ASTN2: variants seen among roughly 807,000 people sequenced by gnomAD.
ASTN2 encodes the protein astrotactin-2.
A neutral mutation model predicts 139.8 loss-of-function variants in ASTN2; 54 were observed. That is an observed-to-expected ratio of 0.39 (90% confidence interval 0.31 to 0.48). The LOEUF (loss-of-function observed/expected upper bound fraction) is 0.48. ASTN2 is among the 20% of genes least tolerant of loss of function. The probability of loss-of-function intolerance (pLI) is 0.95; values close to 1 mark genes in which losing one functional copy is unlikely to be tolerated. For missense variants in ASTN2, 1,565 were observed against 1,725.1 expected (o/e 0.91, Z 1.64); for synonymous variants, 756 against 719.5 (o/e 1.05, Z -0.81).
At chr9:116,862,167 G>A (rs1176824094) in intron 11 of ASTN2, among the ~76,000 whole-genome samples, 3 of 152,104 alleles carry the variant, frequency 2.0e-5, no homozygotes, top group Non-Finnish European at 4.4e-5. Context: ...ACCTTTGTCT[G>A]TTTCTCAGCT....
At position 116,653,030 on chromosome 9, in the gene ASTN2, G is replaced by A. The variant is rs1283425891; in HGVS notation, c.2807-1237C>T. Among the ~76,000 whole-genome samples the A allele has an allele frequency of 3.3e-5, 5 of 152,112 alleles. No homozygotes were observed. The East Asian group carries it at 7.7e-4, about 23-fold the overall frequency. On this transcript the variant is annotated intron_variant, in intron 16 of 22. Coordinates refer to ENST00000313400, the MANE Select transcript of ASTN2 (RefSeq NM_001365068.1). ...TTTCTGAATAAGTGTTTCTATTTATGAGATCTTATTTAAGTTCATTTTCCC... is the reference window on the plus strand; with the variant it reads ...TTTCTGAATAAGTGTTTCTATTTATAAGATCTTATTTAAGTTCATTTTCCC...
intron 6 of ASTN2, among the ~76,000 whole-genome samples, chr9:117,038,922 AAATGCTAG>A (rs1184883309): frequency 6.6e-6 from 1 of 152,206 alleles, no homozygotes; most frequent in Non-Finnish European, 1.5e-5. Flanking sequence ...GGTGAAAAGT[AAATGCTAG>A]AATATAAGAC....
chr9:116,968,663 C>G (rs1479763065), intron 10 of ASTN2, among the ~76,000 whole-genome samples: 1 of 152,084 alleles, frequency 6.6e-6, no homozygotes, highest in Non-Finnish European at 1.5e-5. Flanking sequence ...CTTTGGAAGG[C>G]CGAGGTGGGC....
intron 10 of ASTN2, among the ~76,000 whole-genome samples, chr9:116,893,288 C>T (rs1299867461): frequency 6.6e-6 from 1 of 152,062 alleles, no homozygotes; most frequent in African/African-American, 2.4e-5. Context: ...TTCTTTCAAA[C>T]ACATTATTTT....
chr9:117,244,883 TCAA>T (rs1311083359), intron 2 of ASTN2, among the ~76,000 whole-genome samples: 1 of 152,078 alleles, frequency 6.6e-6, no homozygotes, highest in East Asian at 1.9e-4. Context: ...TCTCCTATCA[TCAA>T]CGTGAGAGAA....
chr9:117,194,937 C>A (rs1013499123), intron 3 of ASTN2, among the ~76,000 whole-genome samples: 1 of 141,886 alleles, frequency 7.0e-6, no homozygotes, highest in Non-Finnish European at 1.5e-5. Context: ...AGTGGAAAGA[C>A]TAAAATATCC....
chr9:116,539,303 A>T (rs1851778516), intron 19 of ASTN2, among the ~76,000 whole-genome samples: 1 of 152,144 alleles, frequency 6.6e-6, no homozygotes, highest in Non-Finnish European at 1.5e-5. Context: ...TGTGCTATCA[A>T]ATTGTACACT....
At chr9:116,545,373 T>C (rs964309628) in intron 19 of ASTN2, among the ~76,000 whole-genome samples, 1 of 152,210 alleles carries the variant, frequency 6.6e-6, no homozygotes, top group Non-Finnish European at 1.5e-5. Context: ...ACAAAATGCT[T>C]CATTTGGGAA....
At chr9:116,670,630 G>A (rs1347906623) in intron 16 of ASTN2, among the ~76,000 whole-genome samples, 1 of 152,120 alleles carries the variant, frequency 6.6e-6, no homozygotes, top group Admixed American at 6.5e-5. Context: ...TTGATGGAGT[G>A]GTTAATGGCA....
At chr9:116,870,183 T>C (rs1343116779) in intron 10 of ASTN2, among the ~76,000 whole-genome samples, 1 of 151,976 alleles carries the variant, frequency 6.6e-6, no homozygotes, top group Non-Finnish European at 1.5e-5. Flanking sequence ...GCCAGATAAA[T>C]TATTTTCTGT....
intron 17 of ASTN2, among the ~76,000 whole-genome samples, chr9:116,627,999 A>T (rs1308546429): frequency 6.6e-6 from 1 of 152,212 alleles, no homozygotes; most frequent in African/African-American, 2.4e-5. Context: ...CTTTGAATTC[A>T]GGACATTTGG....
intron 13 of ASTN2, among the ~76,000 whole-genome samples, chr9:116,803,518 ATATATTTT>A (rs1830945607): frequency 5.9e-4 from 3 of 5,070 alleles, no homozygotes; most frequent in African/African-American, 2.7e-3. Flanking sequence ...ATATATATAT[ATATATTTT>A]TTTTTTTTTT....
chr9:116,984,175 C>T lies in ASTN2; in HGVS notation c.1592-7390G>A, dbSNP rs2132539976. ...TTCTACCGCTTTGGTTTTATCCAGA[C>T]CCATTTATTCCCATCTCTCTTCTCT... On this transcript the variant is annotated intron_variant, in intron 7 of 22. Transcript: ENST00000313400. 3.3e-5 allele frequency among the ~76,000 whole-genome samples: 5 copies of T among 152,298 alleles called. 1 individual carries two copies. The South Asian group carries it at 1.0e-3, about 32-fold the overall frequency.
intron 10 of ASTN2, among the ~76,000 whole-genome samples, chr9:116,865,423 CAAAAAAAAAAAAAAAAAAAAAA>C (rs869251101): frequency 2.0e-5 from 1 of 48,830 alleles, no homozygotes; most frequent in Admixed American, 3.1e-4. Flanking sequence ...AACACTGTCT[CAAAAAAAAAAAAAAAAAAAAAA>C]AAAAAAAAAA....
At chr9:116,885,127 T>C (rs1833562244) in intron 10 of ASTN2, among the ~76,000 whole-genome samples, 1 of 152,024 alleles carries the variant, frequency 6.6e-6, no homozygotes, top group South Asian at 2.1e-4. Context: ...AAAGGGTGTG[T>C]GTATGGTCAT....
chr9:117,339,829 T>C (rs566832354), intron 1 of ASTN2, among the ~76,000 whole-genome samples: 118 of 151,258 alleles, frequency 7.8e-4, no homozygotes, highest in African/African-American at 2.8e-3. Flanking sequence ...CAAGAGACTC[T>C]CTGAGGACCA....
chr9:117,207,271 G>T (rs532711753), intron 3 of ASTN2, among the ~76,000 whole-genome samples: 1 of 152,040 alleles, frequency 6.6e-6, no homozygotes, highest in South Asian at 2.1e-4. Flanking sequence ...AGAGTCCTGT[G>T]GGCCACCACC....
At chr9:116,591,629 A>T (rs1854381326) in intron 19 of ASTN2, among the ~76,000 whole-genome samples, 1 of 152,238 alleles carries the variant, frequency 6.6e-6, no homozygotes, top group South Asian at 2.1e-4. Context: ...GGGAAGCTAG[A>T]AAAAAACAGA....
chr9:116,588,770 C>T (rs1854262377), intron 19 of ASTN2, among the ~76,000 whole-genome samples: 2 of 152,130 alleles, frequency 1.3e-5, no homozygotes, highest in African/African-American at 2.4e-5. Flanking sequence ...ATAGTTCATA[C>T]TTCAACGTTT....
Sources: allele counts gnomAD v4.1 joint callset (sites outside exome capture counted in the v4.1 genomes callset), GRCh38; gene constraint gnomAD v4.1.1; transcripts MANE v1.5; gene names NCBI Gene and HGNC (gene_info 2026-07-23, HGNC 2026-07-21).